Variants in MYO9A observed in about 807,000 individuals in gnomAD.
MYO9A encodes the protein myosin IXA, also known as unconventional myosin-IXa.
Under a neutral mutation model 293.3 loss-of-function variants are expected in MYO9A, and 103 were observed. The observed-to-expected ratio is 0.35, with a 90% CI of 0.30 to 0.41. The LOEUF is 0.41. Ranked by LOEUF, MYO9A falls within the 10% of genes least tolerant of loss-of-function variation. The pLI, the probability that MYO9A is intolerant of heterozygous loss-of-function variation, is 1.00. For missense variants in MYO9A, 2,685 were observed against 3,033.0 expected, an observed-to-expected ratio of 0.89 and a Z score of 2.69; for synonymous variants, 1,001 against 1,035.7, an observed-to-expected ratio of 0.97 and a Z score of 0.64.
intron 14 of MYO9A, among the ~76,000 whole-genome samples, chr15:71,954,320 C>T (rs1239052376): frequency 1.3e-5 from 2 of 152,214 alleles, no homozygotes; most frequent in Non-Finnish European, 2.9e-5. Flanking sequence ...CCCACCTCAG[C>T]CTCCTGAGTA....
intron 18 of MYO9A, among the ~76,000 whole-genome samples, chr15:71,921,368 G>T (rs1352834434): frequency 6.6e-6 from 1 of 152,152 alleles, no homozygotes; most frequent in African/African-American, 2.4e-5. Context: ...GCTGACTGTG[G>T]CTCCTGTCAA....
At chr15:72,118,521 A>G (rs751664189), upstream of MYO9A, 1 of 151,656 alleles carries the variant, frequency 6.6e-6, no homozygotes, top group African/African-American at 2.4e-5. Context: ...TCTCCCACCC[A>G]CTCAGATTCT....
chr15:71,923,937 G>A (rs1356642674), intron 18 of MYO9A, among the ~76,000 whole-genome samples: 3 of 151,788 alleles, frequency 2.0e-5, no homozygotes, highest in Admixed American at 6.6e-5. Context: ...AATGTTATTG[G>A]TGGTTTACTG....
At chr15:71,910,604 C>T (rs1258068245) in intron 19 of MYO9A, among the ~76,000 whole-genome samples, 2 of 152,154 alleles carry the variant, frequency 1.3e-5, no homozygotes, top group South Asian at 2.1e-4. Flanking sequence ...ATATAAGGTT[C>T]TGAATGCTCC....
chr15:71,973,084 C>A (rs961622075), intron 12 of MYO9A, among the ~76,000 whole-genome samples: 1 of 152,038 alleles, frequency 6.6e-6, no homozygotes, highest in Non-Finnish European at 1.5e-5. Flanking sequence ...CTGGATAAAC[C>A]TCAGATCTTG....
chr15:71,886,105 T>C (rs1302187962), intron 27 of MYO9A, among the ~76,000 whole-genome samples: 7 of 151,848 alleles, frequency 4.6e-5, no homozygotes, highest in Admixed American at 2.0e-4. Flanking sequence ...CCAAGTTGTA[T>C]TTTATCTGTT....
chr15:71,869,629 A>G (rs529745576), intron 32 of MYO9A, among the ~76,000 whole-genome samples: 22 of 152,210 alleles, frequency 1.4e-4, no homozygotes, highest in Non-Finnish European at 2.6e-4. Flanking sequence ...CAACTTTTCT[A>G]TAACACTGCA....
chr15:72,035,241 C>CT (rs1296660476), intron 2 of MYO9A, among the ~76,000 whole-genome samples: 1 of 152,186 alleles, frequency 6.6e-6, no homozygotes, highest in Non-Finnish European at 1.5e-5. Flanking sequence ...TAAACACACT[C>CT]TTAACAATAT....
intron 18 of MYO9A, among the ~76,000 whole-genome samples, chr15:71,922,012 C>G (rs1186250237): frequency 6.6e-6 from 1 of 152,076 alleles, no homozygotes; most frequent in Non-Finnish European, 1.5e-5. Flanking sequence ...GAGTCTCACT[C>G]TGTCGTCCAA....
At chr15:71,924,128 T>A (rs2058227298) in intron 18 of MYO9A, among the ~76,000 whole-genome samples, 1 of 152,136 alleles carries the variant, frequency 6.6e-6, no homozygotes, top group Non-Finnish European at 1.5e-5. Context: ...GCATGTTGTT[T>A]AAAAACTATT....
At chr15:72,085,631 C>T (rs946727175) in intron 1 of MYO9A, among the ~76,000 whole-genome samples, 1 of 152,048 alleles carries the variant, frequency 6.6e-6, no homozygotes, top group Admixed American at 6.6e-5. Flanking sequence ...GTCACTTCAC[C>T]CATCTCAGCC....
chr15:71,954,045 A>G (rs2059122613), intron 14 of MYO9A, among the ~76,000 whole-genome samples: 2 of 151,450 alleles, frequency 1.3e-5, no homozygotes, highest in African/African-American at 2.4e-5. Flanking sequence ...ACAGGCACGC[A>G]CCACCATGCC....
intron 11 of MYO9A, among the ~76,000 whole-genome samples, chr15:71,985,833 T>TGAC (rs1009962881): frequency 2.6e-5 from 4 of 152,212 alleles, no homozygotes; most frequent in Admixed American, 6.5e-5. Context: ...GTTTCTAGTC[T>TGAC]GACAACAACA....
At chr15:71,899,243 C>T (rs541697263) in intron 24 of MYO9A, among the ~76,000 whole-genome samples, 1 of 152,260 alleles carries the variant, frequency 6.6e-6, no homozygotes, top group African/African-American at 2.4e-5. Flanking sequence ...TCTACCTAGG[C>T]ATTTCAGTCA....
chr15:72,100,839 C>A (rs1206553629), intron 1 of MYO9A, among the ~76,000 whole-genome samples: 3 of 151,420 alleles, frequency 2.0e-5, no homozygotes, highest in Admixed American at 2.0e-4. Context: ...AGCGTCTCCG[C>A]CCGGCCAGCC....
intron 1 of MYO9A, among the ~76,000 whole-genome samples, chr15:72,078,674 C>T (rs549070401): frequency 1.3e-5 from 2 of 152,088 alleles, no homozygotes; most frequent in Non-Finnish European, 2.9e-5. Context: ...ACTTTAAAAA[C>T]CTGCACATGG....
Position 71,825,857 on chromosome 15 carries a change from T to TAAAC in MYO9A, c.*719_*722dup, listed in dbSNP as rs1387337507. ...CCCATGCAATGTATTTGGCAGGAACTAAACAGGAGTTAAACCAGCACTGAT... is the reference window on the plus strand; with the variant it reads ...CCCATGCAATGTATTTGGCAGGAACTAAACAAACAGGAGTTAAACCAGCACTGAT... On this transcript the variant is annotated 3_prime_UTR_variant, in exon 42 of 42. Transcript: ENST00000356056. 1.3e-5 allele frequency: 2 copies of TAAAC among 152,162 alleles called. No individual in the cohort carries two copies. The highest frequency in any genetic ancestry group is 4.8e-5 in the African/African-American group (2 of 41,446). 9.4% of individuals were successfully genotyped at this position (152,162 alleles called of 1,614,324 possible).
At chr15:71,915,347 T>C (rs2057977856) in intron 19 of MYO9A, among the ~76,000 whole-genome samples, 1 of 152,072 alleles carries the variant, frequency 6.6e-6, no homozygotes, top group South Asian at 2.1e-4. Flanking sequence ...GGCAGTGATT[T>C]CATTATACTC....
intron 1 of MYO9A, among the ~76,000 whole-genome samples, chr15:72,072,781 T>C (rs1411087673): frequency 1.3e-5 from 2 of 152,200 alleles, no homozygotes; most frequent in East Asian, 3.9e-4. Flanking sequence ...TCTGAAAAAC[T>C]ACCTATTGGG....
Sources: gnomAD v4.1 joint callset for allele counts (sites outside exome capture counted in the v4.1 genomes callset) on GRCh38, gnomAD v4.1.1 for gene constraint, MANE v1.5 for transcripts, NCBI Gene and HGNC (gene_info 2026-07-23, HGNC 2026-07-21) for gene names.